The following AVL9 variants were observed in gnomAD, a reference collection of about 807,000 sequenced individuals.
AVL9 encodes the protein late secretory pathway protein AVL9 homolog.
AVL9 carries 49 observed loss-of-function variants against 79.2 expected under a neutral mutation model. That is an observed-to-expected ratio of 0.62 (90% CI 0.49 to 0.79). The LOEUF is 0.79. AVL9 is among the 30% of genes least tolerant of loss of function. AVL9 has a pLI of 0.00. For synonymous variants in AVL9, 299 were observed against 280.6 expected (o/e 1.07, Z -0.65); for missense variants, 682 against 776.8 (o/e 0.88, Z 1.45).
chr7:32,572,671 G>A lies in AVL9; in HGVS notation c.1351-528G>A, dbSNP rs1342079632. Among the ~76,000 whole-genome samples the A allele has an allele frequency of 6.0e-3, 863 of 144,888 alleles. 42 individuals are homozygous for A. The highest frequency in any genetic ancestry group is 0.023 in the African/African-American group (804 of 35,108). On this transcript the variant is annotated intron_variant, in intron 11 of 15. Coordinates refer to ENST00000318709, the MANE Select transcript of AVL9 (RefSeq NM_015060.3). ...CAAAAAATTAGCCGGGCGTGGTGGT[G>A]GGCGCCTGTAGTCCCAGCTACTCAG...
chr7:32,561,304 T>C (rs1790320946), intron 10 of AVL9, among the ~76,000 whole-genome samples: 1 of 152,262 alleles, frequency 6.6e-6, no homozygotes, highest in African/African-American at 2.4e-5. Flanking sequence ...ATTCAAAATC[T>C]GTAATCACCT....
chr7:32,517,413 C>T (rs369198350), intron 1 of AVL9, among the ~76,000 whole-genome samples: 5 of 151,430 alleles, frequency 3.3e-5, no homozygotes, highest in South Asian at 4.2e-4. Context: ...TCAAGCGATT[C>T]TCCTTCCTTA....
At chr7:32,555,829 C>T (rs1048869940) in intron 8 of AVL9, among the ~76,000 whole-genome samples, 17 of 152,148 alleles carry the variant, frequency 1.1e-4, no homozygotes, top group Non-Finnish European at 1.9e-4. Context: ...CACTTTAGTT[C>T]ATTACCTTAA....
rs3079799 is a variant in AVL9, at chr7:32,557,853, C to CTTTTTTT, written c.610-692_610-686dup. On this transcript the variant is annotated intron_variant, in intron 8 of 15. Coordinates refer to ENST00000318709, the MANE Select transcript of AVL9 (RefSeq NM_015060.3). ...ACTTCTATGTTTATTAGCTGTTACTCTTTTTTTTTTTTTTTTTTTTGAGAC... is the reference window on the plus strand; with the variant it reads ...ACTTCTATGTTTATTAGCTGTTACTCTTTTTTTTTTTTTTTTTTTTTTTTTTTGAGAC... Among the ~76,000 whole-genome samples the CTTTTTTT allele has an allele frequency of 6.1e-3, 446 of 72,950 alleles. 6 individuals carry two copies. The highest frequency in any genetic ancestry group is 0.011 in the South Asian group (27 of 2,352). 47.9% of individuals were successfully genotyped at this position (72,950 alleles called of 152,430 possible).
chr7:32,547,309 T>G (rs1358688269), intron 3 of AVL9, among the ~76,000 whole-genome samples: 1 of 152,222 alleles, frequency 6.6e-6, no homozygotes, highest in Non-Finnish European at 1.5e-5. Context: ...TGCTCTAAAA[T>G]TATCCTTGCC....
At chr7:32,566,269 T>A (rs66505609) in intron 10 of AVL9, among the ~76,000 whole-genome samples, 1 of 139,752 alleles carries the variant, frequency 7.2e-6, no homozygotes, top group Non-Finnish European at 1.5e-5. Flanking sequence ...CTCCACCTCC[T>A]GTGCTCAAGC....
At chr7:32,532,639 A>C (rs1411428303) in intron 1 of AVL9, 1 of 152,260 alleles carries the variant, frequency 6.6e-6, no homozygotes, top group Non-Finnish European at 1.5e-5. Context: ...AATGTGAAAT[A>C]ATAGCTCTTT....
At chr7:32,496,208 AG>A (rs1437892434) in intron 1 of AVL9, among the ~76,000 whole-genome samples, 1 of 152,206 alleles carries the variant, frequency 6.6e-6, no homozygotes, top group East Asian at 1.9e-4. Context: ...TCTGCTTTCA[AG>A]GTAATAGGCT....
At chr7:32,560,232 T>A (rs1196805471) in intron 10 of AVL9, among the ~76,000 whole-genome samples, 1 of 134,194 alleles carries the variant, frequency 7.5e-6, no homozygotes, top group South Asian at 2.6e-4. Flanking sequence ...TAATAAATGT[T>A]TATTATTTAA....
chr7:32,498,897 C>G (rs1371125408), intron 1 of AVL9, among the ~76,000 whole-genome samples: 1 of 137,938 alleles, frequency 7.2e-6, no homozygotes, highest in Non-Finnish European at 1.5e-5. Flanking sequence ...GGTGCAGTAG[C>G]TCATGCCTGT....
At chr7:32,500,464 T>A (rs1787074289) in intron 1 of AVL9, among the ~76,000 whole-genome samples, 1 of 152,200 alleles carries the variant, frequency 6.6e-6, no homozygotes, top group Non-Finnish European at 1.5e-5. Flanking sequence ...TTTAAGTTCC[T>A]TGTAGAGTCT....
chr7:32,564,352 T>TAA (rs1435306278), intron 10 of AVL9, among the ~76,000 whole-genome samples: 1 of 152,234 alleles, frequency 6.6e-6, no homozygotes, highest in African/African-American at 2.4e-5. Flanking sequence ...TTCATGTCAG[T>TAA]AACTTTGGAA....
At position 32,570,094 on chromosome 7, in the gene AVL9, T is replaced by C; in HGVS notation, c.1290T>C (p.Val430=). The change falls in exon 11 of 16, where the codon GTT becomes GTC. Residue 430 remains valine (V), a synonymous_variant. Coordinates refer to ENST00000318709, the MANE Select transcript of AVL9 (RefSeq NM_015060.3). ...CCGATGTCACCGTTCGGGGGTTTGT[T>C]GCTGGAGCTACTAACATCCTTTTTC... ...LLSDVTVRGF[V]AGATNILFRQ... is the part of the protein sequence containing the mutation. 4 of 1,614,232 alleles carry C rather than the reference T, an allele frequency of 2.5e-6. No homozygotes were observed. Among genetic ancestry groups the C allele is most frequent in the Non-Finnish European group, 3.4e-6 (4 of 1,180,036 alleles).
intron 1 of AVL9, among the ~76,000 whole-genome samples, chr7:32,529,807 C>T (rs1343327820): frequency 6.6e-6 from 1 of 152,176 alleles, no homozygotes; most frequent in African/African-American, 2.4e-5. Context: ...CAGATCAAAA[C>T]AGAGAACAAT....
chr7:32,572,315 A>G (rs998827546), intron 11 of AVL9, among the ~76,000 whole-genome samples: 2 of 151,456 alleles, frequency 1.3e-5, no homozygotes, highest in Non-Finnish European at 2.9e-5. Flanking sequence ...TTTGAAGAAG[A>G]AAAAGTATAT....
chr7:32,548,915 G>A lies in AVL9; in HGVS notation c.369G>A (p.Lys123=). ...TVQKSVCVLS[K]LPLYGLLQAK... ...AGAAAAGTGTCTGTGTTCTAAGCAA[G>A]CTGGTAAGAGACGAAGTAACTTGTT... The change falls in exon 4 of 16, where the codon AAG becomes AAA. Residue 123 remains lysine (K), a synonymous_variant. Transcript: ENST00000318709. 1 of 1,557,620 alleles carries A rather than the reference G, an allele frequency of 6.4e-7. No individual in the cohort carries two copies. Among genetic ancestry groups the A allele is most frequent in the Non-Finnish European group, 8.7e-7 (1 of 1,154,232 alleles).
intron 3 of AVL9, among the ~76,000 whole-genome samples, chr7:32,546,235 A>T (rs1789495095): frequency 6.6e-6 from 1 of 152,166 alleles, no homozygotes; most frequent in South Asian, 2.1e-4. Flanking sequence ...ATATGCAGGT[A>T]AATTTAAAAC....
chr7:32,584,933 C>G lies in AVL9; in HGVS notation c.*1026C>G, dbSNP rs574490287. The G allele has an allele frequency of 1.6e-4, 24 of 152,218 alleles. No homozygotes were observed. The highest frequency in any genetic ancestry group is 5.8e-4 in the African/African-American group (24 of 41,510). 9.4% of individuals were successfully genotyped at this position (152,218 alleles called of 1,614,324 possible). A position where few individuals can be genotyped will look rare whatever the true frequency, so the allele number is the denominator to read the frequency against. ...TATGGACATGCGCCACCATGCCCAGCTAATTATTGTATTTTTAGTAGAGAC... is the reference window on the plus strand; with the variant it reads ...TATGGACATGCGCCACCATGCCCAGGTAATTATTGTATTTTTAGTAGAGAC... On this transcript the variant is annotated 3_prime_UTR_variant, in exon 16 of 16. Coordinates refer to ENST00000318709, the MANE Select transcript of AVL9 (RefSeq NM_015060.3).
intron 10 of AVL9, among the ~76,000 whole-genome samples, chr7:32,559,665 T>C (rs1302044641): frequency 6.6e-6 from 1 of 152,170 alleles, no homozygotes; most frequent in African/African-American, 2.4e-5. Context: ...GGATTTTGAT[T>C]GGTAAATGTT....
Sources: gnomAD v4.1 joint callset for allele counts (sites outside exome capture counted in the v4.1 genomes callset) on GRCh38, gnomAD v4.1.1 for gene constraint, MANE v1.5 for transcripts, NCBI Gene and HGNC (gene_info 2026-07-23, HGNC 2026-07-21) for gene names.